NBR1: variants seen among roughly 807,000 people sequenced by gnomAD.
NBR1 encodes NBR1 autophagy cargo receptor.
Under a neutral mutation model 115.5 loss-of-function variants are expected in NBR1, and 59 were observed. That is an observed-to-expected ratio of 0.51 (90% CI 0.41 to 0.63). The LOEUF (loss-of-function observed/expected upper bound fraction) is 0.63. NBR1 is among the 30% of genes least tolerant of loss of function. NBR1 has a pLI of 0.00. For synonymous variants in NBR1, 373 were observed against 414.7 expected (o/e 0.90, Z 1.22); for missense variants, 1,043 against 1,150.5 (o/e 0.91, Z 1.35).
At chr17:43,199,500 G>A (rs1034623679) in intron 16 of NBR1, among the ~76,000 whole-genome samples, 12 of 151,484 alleles carry the variant, frequency 7.9e-5, no homozygotes, top group Non-Finnish European at 1.3e-4. Context: ...TCAGCCTCCC[G>A]AGTAGCTGGC....
rs146350608 is a variant in NBR1 at position 43,195,166 on chromosome 17, C to T, written c.1750+127C>T. The T allele has an allele frequency of 6.0e-5, 44 of 738,120 alleles. No homozygotes were observed. In the East Asian group the frequency reaches 1.1e-3, roughly 18 times the overall value. 45.7% of individuals were successfully genotyped at this position (738,120 alleles called of 1,614,324 possible). A position where few individuals can be genotyped will look rare whatever the true frequency, so the allele number is the denominator to read the frequency against. ...TTTCTCCCACAGTAGGATAGTAAAG[C>T]AGCAATCATGGATCCGTTTTTCTTC... On this transcript the variant is annotated intron_variant, in intron 14 of 20. Transcript: ENST00000590996.
chr17:43,192,809 C>G (rs1357643220), intron 10 of NBR1, among the ~76,000 whole-genome samples: 2 of 152,184 alleles, frequency 1.3e-5, no homozygotes. Flanking sequence ...TGTTAAAAGC[C>G]TGACTCTCTA....
rs2057175541 is a variant in NBR1, at chr17:43,200,561, A to G, written c.2421A>G (p.Thr807=). The change falls in exon 17 of 21, where the codon ACA becomes ACG. Residue 807 remains threonine, a synonymous_variant. Coordinates refer to ENST00000590996, the MANE Select transcript of NBR1 (RefSeq NM_005899.5). Reference sequence around the variant, plus strand: ...TCACGACCTCACAGACTCTGGAAACAGTGCCCCTAATCCCAGAGGTAGTGG... The same window carrying G: ...TCACGACCTCACAGACTCTGGAAACGGTGCCCCTAATCCCAGAGGTAGTGG... ...DILTTSQTLE[T]VPLIPEVVEL... 1.2e-6 allele frequency: 2 copies of G among 1,613,114 alleles called. No individual in the cohort carries two copies. The highest frequency in any genetic ancestry group is 1.7e-5 in the Admixed American group (1 of 59,976).
chr17:43,200,044 G>A, intron 16 of NBR1, 123 bp from the exon 17 acceptor site: 2 of 781,234 alleles, frequency 2.6e-6, no homozygotes, highest in Non-Finnish European at 4.0e-6. Flanking sequence ...CTTCCCTTTA[G>A]TTCTTCCCTC....
At position 43,191,583 on chromosome 17, in the gene NBR1, T is replaced by A; in HGVS notation, c.1073+2T>A. 1 of 1,604,786 alleles carries A rather than the reference T, an allele frequency of 6.2e-7. No individual in the cohort carries two copies. The highest frequency in any genetic ancestry group is 8.5e-7 in the Non-Finnish European group (1 of 1,175,796). ...CTTGCTCCAGTCTAATACCCTGATG[T>A]AAGCCCAGGACTGGGGTGGGAGCCA... is the stretch of plus-strand genomic sequence containing the variant. On this transcript the variant is annotated splice_donor_variant, in intron 10 of 20. Coordinates refer to ENST00000590996, the MANE Select transcript of NBR1 (RefSeq NM_005899.5). LOFTEE classifies it high-confidence loss of function.
chr17:43,194,627 A>C (rs2057025232), intron 13 of NBR1, 128 bp downstream of exon 13: 1 of 1,077,316 alleles, frequency 9.3e-7, no homozygotes, highest in Non-Finnish European at 1.4e-6. Flanking sequence ...GGTATATTTA[A>C]TGGGAAGGAG....
At position 43,200,555 on chromosome 17, in the gene NBR1, G is replaced by C. The variant is rs1171695916; in HGVS notation, c.2415G>C (p.Leu805=). The C allele has an allele frequency of 6.2e-7, 1 of 1,613,372 alleles. No homozygotes were observed. The highest frequency in any genetic ancestry group is 8.5e-7 in the Non-Finnish European group (1 of 1,179,520). The change falls in exon 17 of 21, where the codon CTG becomes CTC. Residue 805 remains leucine, a synonymous_variant. Transcript: ENST00000590996. ...ACATCCTCACGACCTCACAGACTCT[G>C]GAAACAGTGCCCCTAATCCCAGAGG... ...ISDILTTSQT[L]ETVPLIPEVV...
rs1484595350 is a variant in NBR1 at position 43,210,653 on chromosome 17, C to G, written c.*579C>G. 7.5e-6 allele frequency: 3 copies of G among 398,422 alleles called. No homozygotes were observed. The highest frequency in any genetic ancestry group is 6.2e-5 in the African/African-American group (3 of 48,618). 24.7% of individuals were successfully genotyped at this position (398,422 alleles called of 1,614,324 possible). A position where few individuals can be genotyped will look rare whatever the true frequency, so the allele number is the denominator to read the frequency against. On this transcript the variant is annotated 3_prime_UTR_variant, in exon 21 of 21. Coordinates refer to ENST00000590996, the MANE Select transcript of NBR1 (RefSeq NM_005899.5). Reference sequence around the variant, plus strand: ...ACTTAATAATTGGCACCGTTGCTTTCTAAAGACTCCATGGTGCATTCAAGA... The same window carrying G: ...ACTTAATAATTGGCACCGTTGCTTTGTAAAGACTCCATGGTGCATTCAAGA...
At position 43,209,400 on chromosome 17, in the gene NBR1, G is replaced by GA. The variant is rs910998614; in HGVS notation, c.2728-495dup. On this transcript the variant is annotated intron_variant, in intron 20 of 20. Coordinates refer to ENST00000590996, the MANE Select transcript of NBR1 (RefSeq NM_005899.5). The stretch of plus-strand genomic sequence containing the variant: ...CCCTCTTACCTATTCTTTTGGAGGA[G>GA]AAAAAATCAAGAAGCCTTCCCAGGT... 3.9e-5 allele frequency among the ~76,000 whole-genome samples: 6 copies of GA among 152,066 alleles called. No homozygotes were observed. In the South Asian group the frequency reaches 6.2e-4, roughly 16 times the overall value.
At chr17:43,187,502 C>CTTTT (rs71160025) in intron 6 of NBR1, among the ~76,000 whole-genome samples, 45 of 68,860 alleles carry the variant, frequency 6.5e-4, no homozygotes, top group Non-Finnish European at 7.5e-4. Flanking sequence ...TATTTCCTGA[C>CTTTT]TTTTTTTTTT....
intron 8 of NBR1, 63 bp downstream of exon 8, chr17:43,189,865 T>A: frequency 7.1e-7 from 1 of 1,407,056 alleles, no homozygotes; most frequent in Non-Finnish European, 1.0e-6. Flanking sequence ...CTCCCTGGCT[T>A]TCTGTGTAGG....
intron 10 of NBR1, among the ~76,000 whole-genome samples, chr17:43,191,953 C>T (rs2056957055): frequency 6.6e-6 from 1 of 151,010 alleles, no homozygotes; most frequent in African/African-American, 2.4e-5. Context: ...ATCTCTTGAC[C>T]TCGTGATCCG....
At position 43,209,975 on chromosome 17, in the gene NBR1, G is replaced by C. The variant is rs962460846; in HGVS notation, c.2802G>C (p.Leu934=). The stretch of plus-strand genomic sequence containing the variant: ...AAATGGGATTCTGTGACAGGCAGCT[G>C]AACCTACGGCTGCTGAAGAAACACA... The part of the protein sequence containing the change: ...LFEMGFCDRQ[L]NLRLLKKHNY... Residue 934 remains leucine (L), a synonymous_variant, in exon 21 of 21, where the codon CTG becomes CTC. Coordinates refer to ENST00000590996, the MANE Select transcript of NBR1 (RefSeq NM_005899.5). 6.2e-6 allele frequency: 10 copies of C among 1,611,960 alleles called. No homozygotes were observed. In the African/African-American group the frequency reaches 1.2e-4, roughly 19 times the overall value.
rs572830913 is a variant in NBR1, at chr17:43,185,997, G to A, written c.208-253G>A. ...GCCTGGGCAACAAGAGCAAAACTCCGTCTCAAAAATAAATAAATAAATAAA... is the reference window on the plus strand; with the variant it reads ...GCCTGGGCAACAAGAGCAAAACTCCATCTCAAAAATAAATAAATAAATAAA... On this transcript the variant is annotated intron_variant, in intron 5 of 20. Transcript: ENST00000590996. Among the ~76,000 whole-genome samples the A allele has an allele frequency of 3.9e-4, 56 of 142,834 alleles. No homozygotes were observed. In the East Asian group the frequency reaches 9.8e-3, roughly 25 times the overall value. 93.7% of individuals were successfully genotyped at this position (142,834 alleles called of 152,430 possible). A position where few individuals can be genotyped will look rare whatever the true frequency, so the allele number is the denominator to read the frequency against.
chr17:43,199,242 AT>A (rs901918112), intron 16 of NBR1, among the ~76,000 whole-genome samples: 67 of 146,146 alleles, frequency 4.6e-4, no homozygotes, highest in Admixed American at 6.2e-4. Context: ...AATGAGCTAA[AT>A]TTTTTTTTTT....
In NBR1 at chr17:43,189,130, T is replaced by A; in HGVS notation, c.480+11T>A. On this transcript the variant is annotated intron_variant, in intron 7 of 20. Coordinates refer to ENST00000590996, the MANE Select transcript of NBR1 (RefSeq NM_005899.5). ...AGCTACCTGGAGACGGTGAGTGTTC[T>A]GTCTCGCTTGGGTTTTAACTGCGGT... The A allele has an allele frequency of 6.3e-7, 1 of 1,592,226 alleles. No individual in the cohort carries two copies. The highest frequency in any genetic ancestry group is 8.6e-7 in the Non-Finnish European group (1 of 1,160,030).
chr17:43,173,777 A>G (rs2056436304), intron 1 of NBR1, among the ~76,000 whole-genome samples: 1 of 152,086 alleles, frequency 6.6e-6, no homozygotes, highest in African/African-American at 2.4e-5. Flanking sequence ...GGCCGGAGGT[A>G]TGTCTGGAAG....
At chr17:43,187,746 G>A (rs1217261677) in intron 6 of NBR1, among the ~76,000 whole-genome samples, 1 of 151,572 alleles carries the variant, frequency 6.6e-6, no homozygotes, top group Non-Finnish European at 1.5e-5. Context: ...CTGACCTTGT[G>A]ATCCGCCCAC....
chr17:43,176,082 A>T, intron 2 of NBR1, 181 bp downstream of exon 2: 1 of 459,802 alleles, frequency 2.2e-6, no homozygotes. Context: ...GCCCCAATAA[A>T]GGGAACCAAC....
Sources: allele counts gnomAD v4.1 joint callset (sites outside exome capture counted in the v4.1 genomes callset), GRCh38; gene constraint gnomAD v4.1.1; transcripts MANE v1.5; gene names NCBI Gene and HGNC (gene_info 2026-07-23, HGNC 2026-07-21).